The following PCDHA1 variants were observed in gnomAD, a reference collection of about 807,000 sequenced individuals.
The protein encoded by PCDHA1 is protocadherin alpha 1, also known as protocadherin alpha-1.
PCDHA1 carries 42 observed loss-of-function variants against 61.3 expected under a neutral mutation model. The observed-to-expected ratio is 0.69, with a 90% confidence interval of 0.54 to 0.89. PCDHA1 has a LOEUF of 0.89. Among genes scored for constraint, PCDHA1 ranks in the 40% least tolerant of loss-of-function variants. The pLI is 0.00. For missense variants in PCDHA1, 1,256 were observed against 1,235.3 expected, an observed-to-expected ratio of 1.02 and a Z score of -0.25; for synonymous variants, 610 against 553.8, an observed-to-expected ratio of 1.10 and a Z score of -1.43.
chr5:140,877,091 C>A, intron 1 of PCDHA1: 1 of 1,613,252 alleles, frequency 6.2e-7, no homozygotes. Flanking sequence ...GCGCGCGACG[C>A]CGGCGTGCCG....
intron 1 of PCDHA1, chr5:140,830,251 GCTGCGGTGCTCGGCGCCAC>G (rs2150183529): frequency 6.0e-5 from 97 of 1,613,774 alleles, no homozygotes; most frequent in Middle Eastern, 1.6e-4. Context: ...TGTACACAGC[GCTGCGGTGCTCGGCGCCAC>G]CCACCGAGGG....
chr5:140,898,263 C>T lies in PCDHA1; in HGVS notation c.2395-80686C>T, dbSNP rs1420763503. The stretch of plus-strand genomic sequence containing the variant: ...GGTGTTTTAGACATGAAGTCCTTGC[C>T]CATGCCTAAGTTCTGAATGGTAATG... On this transcript the variant is annotated intron_variant, in intron 1 of 3. Transcript: ENST00000504120. 2.0e-5 allele frequency among the ~76,000 whole-genome samples: 3 copies of T among 152,270 alleles called. No individual in the cohort carries two copies. In the East Asian group the frequency reaches 5.8e-4, roughly 29 times the overall value.
chr5:140,869,555 G>A, intron 1 of PCDHA1: 1 of 1,614,172 alleles, frequency 6.2e-7, no homozygotes, highest in Non-Finnish European at 8.5e-7. Flanking sequence ...TCGGACTCGC[G>A]TTTTCCACTA....
At chr5:140,968,086 A>G (rs2096217656) in intron 1 of PCDHA1, 1 of 1,614,058 alleles carries the variant, frequency 6.2e-7, no homozygotes, top group African/African-American at 1.3e-5. Context: ...TCACGGTGAC[A>G]GCCACAGATG....
In PCDHA1 at chr5:140,927,655, G is replaced by C. The variant is rs782653279; in HGVS notation, c.2395-51294G>C. On this transcript the variant is annotated intron_variant, in intron 1 of 3. Transcript: ENST00000504120. Reference sequence around the variant, plus strand: ...ACCCAATGGGACTGTGTTATTCCGAGTTCAAGCCTTGGATCCAGATGAAGG... The same window carrying C: ...ACCCAATGGGACTGTGTTATTCCGACTTCAAGCCTTGGATCCAGATGAAGG... The C allele has an allele frequency of 1.2e-5, 20 of 1,614,130 alleles. No individual in the cohort carries two copies. In the Admixed American group the frequency reaches 2.3e-4, roughly 19 times the overall value.
chr5:140,965,527 A>G (rs2095909626), intron 1 of PCDHA1, among the ~76,000 whole-genome samples: 1 of 151,946 alleles, frequency 6.6e-6, no homozygotes, highest in Non-Finnish European at 1.5e-5. Flanking sequence ...CAAAGCATTA[A>G]TGGAATCCAA....
intron 1 of PCDHA1, among the ~76,000 whole-genome samples, chr5:140,900,475 C>G (rs2153470131): frequency 6.6e-6 from 1 of 152,298 alleles, no homozygotes; most frequent in East Asian, 1.9e-4. Flanking sequence ...CGGAGTTTCT[C>G]CATGTTGGTC....
intron 1 of PCDHA1, chr5:140,796,197 C>A (rs782096647): frequency 1.2e-6 from 2 of 1,614,064 alleles, no homozygotes; most frequent in African/African-American, 2.7e-5. Flanking sequence ...TGCTGGACAG[C>A]GCCCTGGACC....
chr5:140,787,067 A>G lies in PCDHA1; in HGVS notation c.777A>G (p.Thr259=), dbSNP rs1554117660. The change falls in exon 1 of 4, where the codon ACA becomes ACG. Residue 259 remains threonine, a synonymous_variant. Coordinates refer to ENST00000504120, the MANE Select transcript of PCDHA1 (RefSeq NM_018900.4). ...TGTTAGAGACTACAGCAAATGGAACATTAGTGACCACATTAAATGCCTCTG... is the reference window on the plus strand; with the variant it reads ...TGTTAGAGACTACAGCAAATGGAACGTTAGTGACCACATTAAATGCCTCTG... ...VHLLETTANG[T]LVTTLNASDA... 1 of 1,614,202 alleles carries G rather than the reference A, an allele frequency of 6.2e-7. No homozygotes were observed. The highest frequency in any genetic ancestry group is 1.1e-5 in the South Asian group (1 of 91,082).
chr5:140,968,643 A>G (rs2096261293), intron 1 of PCDHA1: 1 of 1,614,198 alleles, frequency 6.2e-7, no homozygotes. Context: ...CATCTAGCCC[A>G]GACTTCTGAC....
chr5:140,869,766 G>T, intron 1 of PCDHA1: 1 of 1,613,210 alleles, frequency 6.2e-7, no homozygotes, highest in Non-Finnish European at 8.5e-7. Context: ...GAAAACCAGA[G>T]CTTACTGGCA....
intron 1 of PCDHA1, chr5:140,830,275 C>T: frequency 6.2e-7 from 1 of 1,613,816 alleles, no homozygotes; most frequent in Non-Finnish European, 8.5e-7. Context: ...CGCCACCCAC[C>T]GAGGGCGCGT....
At chr5:140,993,462 T>TCACACACACACACACACA (rs3836747) in intron 3 of PCDHA1, among the ~76,000 whole-genome samples, 2 of 140,938 alleles carry the variant, frequency 1.4e-5, no homozygotes, top group African/African-American at 5.3e-5. Flanking sequence ...TCTTTCTTTC[T>TCACACACACACACACACA]CACACACACA....
intron 1 of PCDHA1, chr5:140,829,729 C>A (rs1770524525): frequency 6.2e-7 from 1 of 1,613,494 alleles, no homozygotes; most frequent in African/African-American, 1.3e-5. Context: ...CGCCTCTGGG[C>A]AGCAACGTGA....
intron 1 of PCDHA1, among the ~76,000 whole-genome samples, chr5:140,888,097 G>T (rs536916138): frequency 3.3e-4 from 50 of 152,066 alleles, no homozygotes; most frequent in African/African-American, 1.2e-3. Context: ...TCCTTAGTTT[G>T]CTTCTTTTAA....
At chr5:140,911,659 T>G (rs2075588861) in intron 1 of PCDHA1, among the ~76,000 whole-genome samples, 1 of 152,142 alleles carries the variant, frequency 6.6e-6, no homozygotes, top group African/African-American at 2.4e-5. Flanking sequence ...GTTACTAAAC[T>G]CCTTGCCTCT....
At chr5:140,871,250 T>G (rs1412384009) in intron 1 of PCDHA1, 3 of 1,613,976 alleles carry the variant, frequency 1.9e-6, no homozygotes, top group Non-Finnish European at 2.5e-6. Context: ...ACGCTGCTGC[T>G]GTATACGGCG....
chr5:140,826,761 T>G (rs1014427871), intron 1 of PCDHA1, among the ~76,000 whole-genome samples: 16 of 152,150 alleles, frequency 1.1e-4, no homozygotes, highest in Admixed American at 5.9e-4. Context: ...AGATTCATAT[T>G]GGAGAGTAAT....
At chr5:140,875,735 C>T in intron 1 of PCDHA1, 1 of 1,614,232 alleles carries the variant, frequency 6.2e-7, no homozygotes. Context: ...TTTGTGAATT[C>T]TCGGATCGAC....
Sources: allele counts gnomAD v4.1 joint callset (sites outside exome capture counted in the v4.1 genomes callset), GRCh38; gene constraint gnomAD v4.1.1; transcripts MANE v1.5; gene names NCBI Gene and HGNC (gene_info 2026-07-23, HGNC 2026-07-21).